Variants in PRPSAP1 observed in about 807,000 individuals in gnomAD.
PRPSAP1 encodes phosphoribosyl pyrophosphate synthase-associated protein 1.
Under a neutral mutation model 39.4 loss-of-function variants are expected in PRPSAP1, and 31 were observed. The observed-to-expected ratio is 0.79, with a 90% confidence interval of 0.59 to 1.06. The LOEUF (loss-of-function observed/expected upper bound fraction) is 1.06, where lower values mean the gene tolerates loss of function less well. Ranked by LOEUF, PRPSAP1 falls within the 50% of genes least tolerant of loss-of-function variation. The pLI, the probability that PRPSAP1 is intolerant of heterozygous loss-of-function variation, is 0.00. For missense variants in PRPSAP1, 430 were observed against 511.6 expected (o/e 0.84, Z 1.54); for synonymous variants, 212 against 192.6 (o/e 1.10, Z -0.83).
intron 3 of PRPSAP1, among the ~76,000 whole-genome samples, chr17:76,339,313 G>A (rs1350525345): frequency 6.6e-6 from 1 of 151,238 alleles, no homozygotes; most frequent in Non-Finnish European, 1.5e-5. Context: ...GCTGAGGCAG[G>A]AGAATTGCTT....
chr17:76,338,927 G>A (rs1490714369), intron 3 of PRPSAP1, among the ~76,000 whole-genome samples: 1 of 151,838 alleles, frequency 6.6e-6, no homozygotes, highest in African/African-American at 2.4e-5. Flanking sequence ...CAGCTACTCG[G>A]GAGGCTCAGG....
rs1183572442 is a variant in PRPSAP1, at chr17:76,311,536, T to A, written c.*6A>T. On this transcript the variant is annotated 3_prime_UTR_variant, in exon 10 of 10. Transcript: ENST00000446526. Reference sequence around the variant, plus strand: ...AGGAGGTCCAGGGTCGAGACCCTCGTGAAAGCTAGTCATCCACAGTGATGT... The same window carrying A: ...AGGAGGTCCAGGGTCGAGACCCTCGAGAAAGCTAGTCATCCACAGTGATGT... The A allele has an allele frequency of 1.2e-6, 2 of 1,613,264 alleles. No individual in the cohort carries two copies. Among genetic ancestry groups the A allele is most frequent in the Non-Finnish European group, 8.5e-7 (1 of 1,179,582 alleles).
At chr17:76,332,475 G>T (rs1421035169) in intron 3 of PRPSAP1, 40 bp from the exon 4 acceptor site, 5 of 1,606,690 alleles carry the variant, frequency 3.1e-6, no homozygotes, top group Non-Finnish European at 4.3e-6. Context: ...TTAATTCCAT[G>T]TATCAACCCT....
chr17:76,311,513 G>A lies in PRPSAP1; in HGVS notation c.*29C>T, dbSNP rs779418880. 6.3e-7 allele frequency: 1 copy of A among 1,599,606 alleles called. No homozygotes were observed. Among genetic ancestry groups the A allele is most frequent in the South Asian group, 1.1e-5 (1 of 89,198 alleles). ...ACTGCTTTTTCCATGTTTCCCTCAG[G>A]AGGTCCAGGGTCGAGACCCTCGTGA... On this transcript the variant is annotated 3_prime_UTR_variant, in exon 10 of 10. Transcript: ENST00000446526.
intron 5 of PRPSAP1, 153 bp downstream of exon 5, chr17:76,330,398 C>T: frequency 1.6e-6 from 1 of 641,598 alleles, no homozygotes; most frequent in Non-Finnish European, 2.7e-6. Flanking sequence ...TATGATCGTC[C>T]ACGACTAAAG....
chr17:76,319,011 C>T (rs571152691), intron 7 of PRPSAP1, among the ~76,000 whole-genome samples: 63 of 152,236 alleles, frequency 4.1e-4, no homozygotes, highest in Admixed American at 1.1e-3. Context: ...GTGATCTCAG[C>T]TCACTGCAAC....
At chr17:76,322,610 G>A (rs908333309) in intron 7 of PRPSAP1, among the ~76,000 whole-genome samples, 21 of 152,140 alleles carry the variant, frequency 1.4e-4, no homozygotes, top group Non-Finnish European at 8.8e-5. Context: ...ACAGGCTGAG[G>A]CGGGAGGATT....
At chr17:76,337,847 C>A (rs934642127) in intron 3 of PRPSAP1, among the ~76,000 whole-genome samples, 3 of 152,114 alleles carry the variant, frequency 2.0e-5, no homozygotes, top group African/African-American at 7.2e-5. Flanking sequence ...CCAACTGATC[C>A]ACCTGCCTCG....
At position 76,328,748 on chromosome 17, in the gene PRPSAP1, A is replaced by G. The variant is rs2143494946; in HGVS notation, c.750T>C (p.Asn250=). 2 of 1,614,186 alleles carry G rather than the reference A, an allele frequency of 1.2e-6. No homozygotes were observed. Among genetic ancestry groups the G allele is most frequent in the Non-Finnish European group, 1.7e-6 (2 of 1,180,024 alleles). The change falls in exon 7 of 10, where the codon AAT becomes AAC. Residue 250 remains asparagine, a synonymous_variant. Transcript: ENST00000446526. The part of the protein sequence containing the change: ...DGRHSPPMVK[N]ATVHPGLELP... ...ACTCCAGGCCTGGGTGCACAGTAGC[A>G]TTTTTGACCATAGGCGGGGAGTGAC...
Position 76,311,651 on chromosome 17 carries a change from G to A in PRPSAP1, c.1049C>T (p.Pro350Leu), listed in dbSNP as rs1178920008. 25 of 1,613,938 alleles carry A rather than the reference G, an allele frequency of 1.5e-5. No individual in the cohort carries two copies. The highest frequency in any genetic ancestry group is 2.1e-5 in the Non-Finnish European group (25 of 1,180,010). ...ACTGATATCCACAGTCTTTATCTTG[G>A]GACATTGCAGCTTCTGAACCTCATG... ...VPHEVQKLQC[P>L]KIKTVDISLI... Residue 350 changes from proline to leucine, a missense_variant, in exon 10 of 10, where the codon CCC (proline) becomes CTC (leucine). Physicochemically the swap from Pro to Leu is moderately conservative, Grantham distance 98. Transcript: ENST00000446526.
At chr17:76,312,510 A>G (rs1267374529) in intron 9 of PRPSAP1, among the ~76,000 whole-genome samples, 1 of 152,144 alleles carries the variant, frequency 6.6e-6, no homozygotes, top group Non-Finnish European at 1.5e-5. Flanking sequence ...TACCTTAAAC[A>G]TGCCCAGAAC....
At chr17:76,314,702 T>C (rs2071104465) in intron 7 of PRPSAP1, 1 of 152,444 alleles carries the variant, frequency 6.6e-6, no homozygotes, top group African/African-American at 2.4e-5. Context: ...CTTCTCTACT[T>C]GGTGTGTGTT....
chr17:76,320,931 G>A (rs2071190086), intron 7 of PRPSAP1, among the ~76,000 whole-genome samples: 1 of 151,376 alleles, frequency 6.6e-6, no homozygotes, highest in South Asian at 2.1e-4. Context: ...ACAGGTGCAT[G>A]CCACACCTGG....
At chr17:76,333,489 A>G (rs999419983) in intron 3 of PRPSAP1, among the ~76,000 whole-genome samples, 4 of 152,064 alleles carry the variant, frequency 2.6e-5, no homozygotes, top group African/African-American at 9.7e-5. Context: ...TACTAAAAAT[A>G]CAAAAATTAG....
intron 3 of PRPSAP1, among the ~76,000 whole-genome samples, chr17:76,332,924 G>A (rs149615327): frequency 0.028 from 4,095 of 147,798 alleles, 110 homozygotes; most frequent in East Asian, 0.12. Context: ...ACGGAGTCTC[G>A]CTGTCGCCCA....
At chr17:76,335,623 T>C (rs1166170555) in intron 3 of PRPSAP1, among the ~76,000 whole-genome samples, 1 of 151,592 alleles carries the variant, frequency 6.6e-6, no homozygotes, top group Non-Finnish European at 1.5e-5. Context: ...CCAAAGTGTG[T>C]TGGGATTACA....
In PRPSAP1 at chr17:76,353,649, C is replaced by G. The variant is rs1348171556; in HGVS notation, c.55G>C (p.Val19Leu). Residue 19 changes from valine (V) to leucine (L), a missense_variant, in exon 1 of 10, where the codon GTC (valine) becomes CTC (leucine). Around this residue, in one of 2 missense-constraint regions of PRPSAP1, gnomAD observed 152 missense variants for 135.2 expected, o/e 1.12. Coordinates refer to ENST00000446526, the MANE Select transcript of PRPSAP1 (RefSeq NM_002766.3). ...GGGGGAACGGGGCGGGCGCGCGGGA[C>G]GCGGAAAGCCGAGGACGCGGAGGGC... ...PPPSASSAFRVPRARPVPPPA... is the reference protein window; with the variant it reads ...PPPSASSAFRLPRARPVPPPA... 2.0e-6 allele frequency: 3 copies of G among 1,531,452 alleles called. No homozygotes were observed. Among genetic ancestry groups the G allele is most frequent in the African/African-American group, 1.4e-5 (1 of 69,984 alleles). The allele number at this position is 1,531,452 out of a possible 1,614,324, so 94.9% of individuals were successfully genotyped here.
intron 3 of PRPSAP1, among the ~76,000 whole-genome samples, chr17:76,339,152 C>G (rs1176938540): frequency 5.3e-5 from 8 of 152,116 alleles, no homozygotes; most frequent in African/African-American, 1.9e-4. Flanking sequence ...CGTCTATAAT[C>G]TCAGCACTTT....
chr17:76,314,173 T>A (rs559108705), intron 7 of PRPSAP1: 1 of 426,662 alleles, frequency 2.3e-6, no homozygotes, highest in Admixed American at 3.7e-5. Context: ...CCCAAAATAT[T>A]ATAATTTCAA....
Sources: gnomAD v4.1 joint callset for allele counts (sites outside exome capture counted in the v4.1 genomes callset) on GRCh38, gnomAD v4.1.1 for gene constraint, gnomAD v4.1.1 regional missense constraint, MANE v1.5 for transcripts, NCBI Gene and HGNC (gene_info 2026-07-23, HGNC 2026-07-21) for gene names.